Variants in SLC6A6 observed in about 807,000 individuals in gnomAD.
The protein encoded by SLC6A6 is solute carrier family 6 member 6.
A neutral mutation model predicts 68.8 loss-of-function variants in SLC6A6; 16 were observed. The observed-to-expected ratio is 0.23, with a 90% CI of 0.16 to 0.35. The LOEUF is 0.35. Ranked by LOEUF, SLC6A6 falls within the 10% of genes least tolerant of loss-of-function variation. The pLI is 1.00. For missense variants in SLC6A6, 474 were observed against 802.8 expected, an observed-to-expected ratio of 0.59 and a Z score of 4.95; for synonymous variants, 312 against 315.4, an observed-to-expected ratio of 0.99 and a Z score of 0.12.
At chr3:14,448,090 C>A in intron 5 of SLC6A6, 1 of 1,180,486 alleles carries the variant, frequency 8.5e-7, no homozygotes, top group Non-Finnish European at 1.1e-6. Flanking sequence ...TCATTACTAC[C>A]CTGTGAGGCA....
chr3:14,473,302 A>G (rs969976972), intron 10 of SLC6A6, among the ~76,000 whole-genome samples: 5 of 152,200 alleles, frequency 3.3e-5, no homozygotes, highest in Admixed American at 6.5e-5. Flanking sequence ...TGCCCAGCCC[A>G]GCATGAGCCC....
chr3:14,440,484 A>G (rs1387294509), intron 2 of SLC6A6, among the ~76,000 whole-genome samples: 1 of 152,004 alleles, frequency 6.6e-6, no homozygotes, highest in Non-Finnish European at 1.5e-5. Flanking sequence ...CGGCAGGGGC[A>G]TGTGCTGGGA....
intron 14 of SLC6A6, among the ~76,000 whole-genome samples, chr3:14,483,825 G>A (rs1405704783): frequency 6.6e-6 from 1 of 152,042 alleles, no homozygotes; most frequent in East Asian, 1.9e-4. Flanking sequence ...TGGACTACAG[G>A]CACGTACCAC....
rs574189540 is a variant in SLC6A6 at position 14,485,949 on chromosome 3, C to G, written c.*942C>G. 1 of 152,876 alleles carries G rather than the reference C, an allele frequency of 6.5e-6. No individual in the cohort carries two copies. Among genetic ancestry groups the G allele is most frequent in the South Asian group, 2.1e-4 (1 of 4,832 alleles). 9.5% of individuals were successfully genotyped at this position (152,876 alleles called of 1,614,324 possible). A position where few individuals can be genotyped will look rare whatever the true frequency, so the allele number is the denominator to read the frequency against. ...TCCAGGCAGAGAAGGAGCAGAGGCT[C>G]TCCCGGCAGGAGCTGGGGTCTCAGG... On this transcript the variant is annotated 3_prime_UTR_variant, in exon 15 of 15. Coordinates refer to ENST00000622186, the MANE Select transcript of SLC6A6 (RefSeq NM_003043.6).
intron 2 of SLC6A6, among the ~76,000 whole-genome samples, chr3:14,433,740 G>A (rs1352565242): frequency 6.8e-6 from 1 of 146,006 alleles, no homozygotes; most frequent in African/African-American, 2.5e-5. Context: ...GGTGGCGGAG[G>A]TTGCAGAGAG....
intron 2 of SLC6A6, among the ~76,000 whole-genome samples, chr3:14,436,146 C>CTT (rs1320234728): frequency 6.6e-6 from 1 of 152,196 alleles, no homozygotes; most frequent in Non-Finnish European, 1.5e-5. Flanking sequence ...TTAATTTCCA[C>CTT]TTAAAACAGC....
chr3:14,448,585 C>A (rs1700185461), intron 5 of SLC6A6, among the ~76,000 whole-genome samples: 1 of 152,186 alleles, frequency 6.6e-6, no homozygotes, highest in African/African-American at 2.4e-5. Flanking sequence ...GCTTTTCAAG[C>A]CTCTGTCTGT....
intron 14 of SLC6A6, among the ~76,000 whole-genome samples, chr3:14,483,620 G>T (rs527918426): frequency 6.6e-6 from 1 of 152,206 alleles, no homozygotes; most frequent in Non-Finnish European, 1.5e-5. Flanking sequence ...TGGAGAAGGT[G>T]CTACAAGGAG....
chr3:14,479,411 A>G (rs906879972), intron 13 of SLC6A6, among the ~76,000 whole-genome samples: 3 of 152,242 alleles, frequency 2.0e-5, no homozygotes, highest in African/African-American at 7.2e-5. Context: ...CAAGAAGGGC[A>G]TTTCTGGCAG....
At chr3:14,466,717 G>T in intron 7 of SLC6A6, 67 bp downstream of exon 7, 3 of 1,418,732 alleles carry the variant, frequency 2.1e-6, no homozygotes, top group Middle Eastern at 1.9e-4. Flanking sequence ...GGACAGGGCA[G>T]GATGTAGAGG....
Position 14,484,914 on chromosome 3 carries a change from G to A in SLC6A6, c.1770G>A (p.Val590=). ...LTPREPNRWA[V]EREGATPYNS... ...CAAGGGAACCCAACCGCTGGGCTGTGGAGCGCGAGGGAGCCACACCTTACA... is the reference window on the plus strand; with the variant it reads ...CAAGGGAACCCAACCGCTGGGCTGTAGAGCGCGAGGGAGCCACACCTTACA... The change falls in exon 15 of 15, where the codon GTG becomes GTA. Residue 590 remains valine, a synonymous_variant. Coordinates refer to ENST00000622186, the MANE Select transcript of SLC6A6 (RefSeq NM_003043.6). 6.2e-7 allele frequency: 1 copy of A among 1,612,396 alleles called. No individual in the cohort carries two copies. The highest frequency in any genetic ancestry group is 8.5e-7 in the Non-Finnish European group (1 of 1,179,990).
chr3:14,473,126 A>G (rs1700792014), intron 10 of SLC6A6, among the ~76,000 whole-genome samples: 1 of 152,196 alleles, frequency 6.6e-6, no homozygotes, highest in Admixed American at 6.5e-5. Context: ...GCCAGTGCCT[A>G]GTGTGGGGTA....
intron 2 of SLC6A6, among the ~76,000 whole-genome samples, chr3:14,424,244 T>C (rs1185598048): frequency 6.6e-6 from 1 of 151,300 alleles, no homozygotes; most frequent in Non-Finnish European, 1.5e-5. Context: ...CTAGGGACCC[T>C]GAAATGAGCT....
At chr3:14,447,930 G>A in intron 5 of SLC6A6, 114 bp downstream of exon 5, 4 of 1,502,828 alleles carry the variant, frequency 2.7e-6, no homozygotes, top group Non-Finnish European at 3.5e-6. Context: ...GGGAGTGGGA[G>A]GAGGGTGCAG....
intron 6 of SLC6A6, among the ~76,000 whole-genome samples, chr3:14,462,884 AT>A (rs1284473896): frequency 1.3e-5 from 2 of 152,002 alleles, no homozygotes; most frequent in Admixed American, 6.5e-5. Context: ...TGGATGGCTC[AT>A]TTCTTGTCTC....
At chr3:14,449,251 C>A (rs1352512329) in intron 5 of SLC6A6, among the ~76,000 whole-genome samples, 1 of 152,254 alleles carries the variant, frequency 6.6e-6, no homozygotes, top group African/African-American at 2.4e-5. Flanking sequence ...TCAGTGTATG[C>A]TCAGGGCAGG....
Position 14,467,879 on chromosome 3 carries a change from ATTC to A in SLC6A6, c.899_901del (p.Phe300del). 1 of 1,613,240 alleles carries A rather than the reference ATTC, an allele frequency of 6.2e-7. No individual in the cohort carries two copies. Among genetic ancestry groups the A allele is most frequent in the South Asian group, 1.1e-5 (1 of 91,048 alleles). On this transcript the variant is annotated inframe_deletion, in exon 8 of 15. Coordinates refer to ENST00000622186, the MANE Select transcript of SLC6A6 (RefSeq NM_003043.6). Reference sequence around the variant, plus strand: ...TGTGGATTGACGCTGGGACTCAGATATTCTTCTCTTATGCCATCTGCCTGGGGG... The same window carrying A: ...TGTGGATTGACGCTGGGACTCAGATATTCTCTTATGCCATCTGCCTGGGGG...
At chr3:14,429,083 C>T (rs1039463317) in intron 2 of SLC6A6, among the ~76,000 whole-genome samples, 1 of 152,214 alleles carries the variant, frequency 6.6e-6, no homozygotes, top group Non-Finnish European at 1.5e-5. Flanking sequence ...GCTTCTCCCC[C>T]CAGTCTCAAA....
At chr3:14,449,109 G>A (rs944999640) in intron 5 of SLC6A6, among the ~76,000 whole-genome samples, 5 of 152,204 alleles carry the variant, frequency 3.3e-5, no homozygotes, top group Admixed American at 1.3e-4. Context: ...AAGAGGGAGC[G>A]GCCTACCGAC....
Sources: gnomAD v4.1 joint callset for allele counts (sites outside exome capture counted in the v4.1 genomes callset) on GRCh38, gnomAD v4.1.1 for gene constraint, MANE v1.5 for transcripts, NCBI Gene and HGNC (gene_info 2026-07-23, HGNC 2026-07-21) for gene names.